Variants in GLIS3 observed in about 807,000 individuals in gnomAD.
GLIS3 encodes the protein GLIS family zinc finger 3.
GLIS3 carries 53 observed loss-of-function variants against 78.6 expected under a neutral mutation model. That is an observed-to-expected ratio of 0.67 (90% CI 0.54 to 0.85). The LOEUF is 0.85. GLIS3 is among the 40% of genes least tolerant of loss of function. GLIS3 has a pLI of 0.00. For missense variants in GLIS3, 1,703 were observed against 1,231.1 expected (o/e 1.38, Z -5.74); for synonymous variants, 684 against 509.9 (o/e 1.34, Z -4.60).
At chr9:4,426,102 A>T in the GLIS3 span, among the ~76,000 whole-genome samples, 4 of 152,182 alleles carry the variant, frequency 2.6e-5, no homozygotes, top group Non-Finnish European at 5.9e-5. Flanking sequence ...CCTGACACCC[A>T]TCCATGAGTC....
intron 4 of GLIS3, among the ~76,000 whole-genome samples, chr9:3,988,405 C>T (rs1448923638): frequency 1.3e-5 from 2 of 152,066 alleles, no homozygotes; most frequent in Admixed American, 1.3e-4. Flanking sequence ...TATAATACCA[C>T]TTGATACTCA....
intron 4 of GLIS3, among the ~76,000 whole-genome samples, chr9:4,083,485 C>G (rs7042166): frequency 0.25 from 38,335 of 151,998 alleles, 5,175 homozygotes; most frequent in East Asian, 0.35. Context: ...GAAGATGTTG[C>G]CATTTATGTT....
intron 1 of GLIS3, among the ~76,000 whole-genome samples, chr9:4,293,108 G>T (rs978355286): frequency 1.3e-5 from 2 of 152,080 alleles, no homozygotes; most frequent in African/African-American, 4.8e-5. Flanking sequence ...GGGTACATAA[G>T]GAATAAAATG....
chr9:4,062,653 C>T (rs917654610), intron 4 of GLIS3, among the ~76,000 whole-genome samples: 3 of 152,196 alleles, frequency 2.0e-5, no homozygotes, highest in Admixed American at 6.5e-5. Flanking sequence ...AGTGGCCAGG[C>T]ACAGTGGCTC....
At chr9:3,932,760 G>A (rs1441997280) in intron 5 of GLIS3, 2 of 429,020 alleles carry the variant, frequency 4.7e-6, no homozygotes, top group Non-Finnish European at 9.0e-6. Context: ...TTTTTAATGT[G>A]GAAATTATTA....
chr9:4,433,030 T>A, the GLIS3 span, among the ~76,000 whole-genome samples: 1 of 152,158 alleles, frequency 6.6e-6, no homozygotes, highest in Non-Finnish European at 1.5e-5. Context: ...CTCCCAGGTG[T>A]TTATAACCCT....
chr9:4,262,376 G>T (rs914444098), intron 2 of GLIS3, among the ~76,000 whole-genome samples: 4 of 152,148 alleles, frequency 2.6e-5, no homozygotes, highest in African/African-American at 9.7e-5. Context: ...ATGGATTTGG[G>T]AAGGATGCAG....
the GLIS3 span, among the ~76,000 whole-genome samples, chr9:4,444,282 G>A: frequency 2.6e-5 from 4 of 152,120 alleles, no homozygotes; most frequent in Non-Finnish European, 4.4e-5. Flanking sequence ...TAATTACTAC[G>A]CTTCTCATAC....
At chr9:4,419,345 T>C in the GLIS3 span, among the ~76,000 whole-genome samples, 1 of 151,248 alleles carries the variant, frequency 6.6e-6, no homozygotes, top group Non-Finnish European at 1.5e-5. Context: ...AGAAAAGAGG[T>C]TTAATTGGCT....
intron 2 of GLIS3, among the ~76,000 whole-genome samples, chr9:4,259,748 C>G (rs1825332621): frequency 6.6e-6 from 1 of 152,114 alleles, no homozygotes; most frequent in African/African-American, 2.4e-5. Flanking sequence ...TGGGCAGCAC[C>G]CTCTTGTCAC....
the GLIS3 span, among the ~76,000 whole-genome samples, chr9:4,483,580 T>C: frequency 2.0e-5 from 3 of 151,734 alleles, no homozygotes; most frequent in Non-Finnish European, 4.4e-5. Context: ...ATTAGCTGGG[T>C]GTGGTGGTGC....
chr9:4,401,142 A>G, the GLIS3 span, among the ~76,000 whole-genome samples: 5 of 152,214 alleles, frequency 3.3e-5, no homozygotes, highest in Non-Finnish European at 7.3e-5. Context: ...AGGCTCTTGG[A>G]CAGCATTTCT....
chr9:4,214,490 G>T (rs542906215), intron 2 of GLIS3, among the ~76,000 whole-genome samples: 1 of 152,268 alleles, frequency 6.6e-6, no homozygotes, highest in African/African-American at 2.4e-5. Flanking sequence ...TAACTGCCAG[G>T]GCTATGCTAA....
chr9:3,954,741 T>C (rs1816970507), intron 4 of GLIS3, among the ~76,000 whole-genome samples: 1 of 152,264 alleles, frequency 6.6e-6, no homozygotes, highest in Admixed American at 6.5e-5. Context: ...CTCTGTATCT[T>C]ATGGAGAAAG....
At chr9:4,119,487 C>G (rs1832021711) in intron 3 of GLIS3, among the ~76,000 whole-genome samples, 1 of 152,012 alleles carries the variant, frequency 6.6e-6, no homozygotes, top group Admixed American at 6.5e-5. Context: ...ATTCACATTG[C>G]CAGTAATTAG....
chr9:3,905,922 C>T (rs754451092), intron 6 of GLIS3, among the ~76,000 whole-genome samples: 5 of 152,298 alleles, frequency 3.3e-5, no homozygotes, highest in East Asian at 1.9e-4. Flanking sequence ...TACATGCTCC[C>T]CACATGCTAT....
intron 9 of GLIS3, among the ~76,000 whole-genome samples, chr9:3,840,100 G>C (rs941033222): frequency 6.6e-6 from 1 of 152,164 alleles, no homozygotes; most frequent in African/African-American, 2.4e-5. Context: ...TTATAGGGTT[G>C]TGGAAAATAT....
intron 4 of GLIS3, among the ~76,000 whole-genome samples, chr9:4,048,547 T>C (rs115990142): frequency 2.6e-5 from 4 of 152,298 alleles, no homozygotes; most frequent in African/African-American, 9.6e-5. Context: ...GGTATTCAAC[T>C]GTGTGCTTAT....
intron 2 of GLIS3, among the ~76,000 whole-genome samples, chr9:4,343,993 A>T (rs1026007844): frequency 1.3e-5 from 2 of 152,186 alleles, no homozygotes; most frequent in African/African-American, 4.8e-5. Flanking sequence ...ATAACAAAAT[A>T]AACTGTACAC....
Sources: allele counts gnomAD v4.1 joint callset (sites outside exome capture counted in the v4.1 genomes callset), GRCh38; gene constraint gnomAD v4.1.1; transcripts MANE v1.5; gene names NCBI Gene and HGNC (gene_info 2026-07-23, HGNC 2026-07-21).